DENND1C: variants seen among roughly 807,000 people sequenced by gnomAD.
The protein encoded by DENND1C is DENN domain containing 1C, also known as DENN domain-containing protein 1C.
DENND1C carries 64 observed loss-of-function variants against 87.9 expected under a neutral mutation model. That is an observed-to-expected ratio of 0.73 (90% CI 0.60 to 0.90). The LOEUF is 0.90. Among genes scored for constraint, DENND1C ranks in the 40% least tolerant of loss-of-function variants. The pLI, the probability that DENND1C is intolerant of heterozygous loss-of-function variation, is 0.00. For synonymous variants in DENND1C, 384 were observed against 424.4 expected (o/e 0.90, Z 1.17); for missense variants, 980 against 1,037.0 (o/e 0.95, Z 0.76).
At chr19:6,481,582 C>G (rs1913569072) in intron 1 of DENND1C, 97 bp downstream of exon 1, 1 of 1,567,148 alleles carries the variant, frequency 6.4e-7, no homozygotes, top group Non-Finnish European at 8.7e-7. Context: ...GGTCACTGCA[C>G]CTCCCGGGCC....
Position 6,473,455 on chromosome 19 carries a change from GGTTTTTTT to G in DENND1C, c.1054-470_1054-463del, listed in dbSNP as rs1214096525. Reference sequence around the variant, plus strand: ...GGTGTGAGCCACCGCGCCCAGCCCTGGTTTTTTTTTTTTTTTTTTTCATTTCTTTTTTT... The same window carrying G: ...GGTGTGAGCCACCGCGCCCAGCCCTGTTTTTTTTTTTTCATTTCTTTTTTT... On this transcript the variant is annotated intron_variant, in intron 14 of 22. Coordinates refer to ENST00000381480, the MANE Select transcript of DENND1C (RefSeq NM_024898.4). Among the ~76,000 whole-genome samples the G allele has an allele frequency of 9.6e-5, 13 of 135,570 alleles. 1 individual carries two copies. The highest frequency in any genetic ancestry group is 2.4e-4 in the South Asian group (1 of 4,182). 88.9% of individuals were successfully genotyped at this position (135,570 alleles called of 152,430 possible).
At chr19:6,479,566 G>C in intron 4 of DENND1C, 103 bp downstream of exon 4, 1 of 1,455,132 alleles carries the variant, frequency 6.9e-7, no homozygotes, top group East Asian at 2.3e-5. Context: ...CAGGGTCCTC[G>C]AGTGTATGGG....
chr19:6,467,219 A>G lies in DENND1C; in HGVS notation c.*285T>C. Reference sequence around the variant, plus strand: ...ATAAAATTAGTAGTGAGATGTAACAAAAGCTTTATTGGTGTGTTTGAGCTG... The same window carrying G: ...ATAAAATTAGTAGTGAGATGTAACAGAAGCTTTATTGGTGTGTTTGAGCTG... On this transcript the variant is annotated 3_prime_UTR_variant, in exon 23 of 23. Coordinates refer to ENST00000381480, the MANE Select transcript of DENND1C (RefSeq NM_024898.4). 1 of 527,620 alleles carries G rather than the reference A, an allele frequency of 1.9e-6. No individual in the cohort carries two copies. The highest frequency in any genetic ancestry group is 3.6e-5 in the Admixed American group (1 of 27,482). 32.7% of individuals were successfully genotyped at this position (527,620 alleles called of 1,614,324 possible).
chr19:6,469,095 C>A (rs948913938), intron 19 of DENND1C, 142 bp from the exon 20 acceptor site: 1 of 486,348 alleles, frequency 2.1e-6, no homozygotes, highest in South Asian at 6.5e-5. Context: ...GCAGTGGTGC[C>A]ATCTCGGCTC....
chr19:6,478,389 T>C (rs1190235125), intron 6 of DENND1C, among the ~76,000 whole-genome samples: 1 of 151,170 alleles, frequency 6.6e-6, no homozygotes, highest in Non-Finnish European at 1.5e-5. Flanking sequence ...ATTACAGGCG[T>C]GTGCCACGAC....
At chr19:6,471,335 C>T (rs774049865) in intron 16 of DENND1C, 30 bp from the exon 17 acceptor site, 38 of 1,594,630 alleles carry the variant, frequency 2.4e-5, no homozygotes, top group Middle Eastern at 3.3e-4. Flanking sequence ...TGGTGGTCAC[C>T]GAAGGCTGGC....
chr19:6,470,193 G>A, intron 18 of DENND1C, 102 bp downstream of exon 18: 1 of 1,161,006 alleles, frequency 8.6e-7, no homozygotes, highest in African/African-American at 1.5e-5. Context: ...TGTTTAAAGT[G>A]TCTGCCAGGG....
chr19:6,475,560 T>C lies in DENND1C; in HGVS notation c.851A>G (p.Asp284Gly). 1 of 1,613,966 alleles carries C rather than the reference T, an allele frequency of 6.2e-7. No homozygotes were observed. Among genetic ancestry groups the C allele is most frequent in the Non-Finnish European group, 8.5e-7 (1 of 1,179,858 alleles). Residue 284 changes from aspartate (D) to glycine (G), a missense_variant, in exon 13 of 23, where the codon GAC becomes GGC. Asp to Gly is a moderately conservative substitution (Grantham distance 94). Coordinates refer to ENST00000381480, the MANE Select transcript of DENND1C (RefSeq NM_024898.4). ...AERVREKALE[D>G]VVVLNVDANT... ...GGCGTCCACGTTCAGCACCACGACGTCCTCCAGGGCTTTTTCTCGTACTCT... is the reference window on the plus strand; with the variant it reads ...GGCGTCCACGTTCAGCACCACGACGCCCTCCAGGGCTTTTTCTCGTACTCT...
Position 6,468,042 on chromosome 19 carries a change from A to G in DENND1C, c.1868T>C (p.Leu623Pro). ...PEPQPLSLPS[L>P]QNASSLDATS... ...GGCATCCAAAGACGAGGCATTTTGC[A>G]GGGATGGCAGGGAAAGGGGCTGGGG... Residue 623 changes from leucine to proline, a missense_variant, in exon 23 of 23, where the codon CTG becomes CCG. Leu to Pro is a moderately conservative substitution (Grantham distance 98). Coordinates refer to ENST00000381480, the MANE Select transcript of DENND1C (RefSeq NM_024898.4). The G allele has an allele frequency of 6.2e-7, 1 of 1,613,784 alleles. No homozygotes were observed. The highest frequency in any genetic ancestry group is 1.3e-5 in the African/African-American group (1 of 75,010).
rs778779048 is a variant in DENND1C, at chr19:6,480,646, C to T, written c.18-595G>A. 7 of 294,828 alleles carry T rather than the reference C, an allele frequency of 2.4e-5. No homozygotes were observed. In the South Asian group the frequency reaches 6.7e-4, roughly 28 times the overall value. 18.3% of individuals were successfully genotyped at this position (294,828 alleles called of 1,614,324 possible). ...TTTGAGATGGAGTTTTGCTTTGTCA[C>T]CCAGGCTGGAGTACAGTGGCACGAT... On this transcript the variant is annotated intron_variant, in intron 1 of 22. Transcript: ENST00000381480.
intron 18 of DENND1C, 86 bp from the exon 19 acceptor site, chr19:6,469,726 T>G (rs1443696658): frequency 3.5e-6 from 5 of 1,425,442 alleles, no homozygotes; most frequent in South Asian, 1.3e-5. Flanking sequence ...TAAGATAGCT[T>G]TTTTTTTTGC....
At chr19:6,480,188 C>A in intron 1 of DENND1C, 137 bp from the exon 2 acceptor site, 1 of 1,488,086 alleles carries the variant, frequency 6.7e-7, no homozygotes. Flanking sequence ...GGGTTTGTGG[C>A]TGTGAGTGTG....
At chr19:6,479,423 A>AGTCCCTGGGTCCCTGT (rs879422379) in intron 4 of DENND1C, among the ~76,000 whole-genome samples, 1 of 140,314 alleles carries the variant, frequency 7.1e-6, no homozygotes, top group African/African-American at 3.0e-5. Flanking sequence ...TGAGTCTCTG[A>AGTCCCTGGGTCCCTGT]GTCCCTGGGT....
Position 6,473,003 on chromosome 19 carries a change from G to T in DENND1C, c.1054-10C>A. On this transcript the variant is annotated splice_polypyrimidine_tract_variant and intron_variant, in intron 14 of 22. Transcript: ENST00000381480. The stretch of plus-strand genomic sequence containing the variant: ...AGGTCACTGGCTGGCCCTGGAAGAA[G>T]CGTTGGAGTTCTGAGCTCCCTGGGG... 6.6e-7 allele frequency: 1 copy of T among 1,516,006 alleles called. No individual in the cohort carries two copies. Among genetic ancestry groups the T allele is most frequent in the Non-Finnish European group, 8.8e-7 (1 of 1,132,892 alleles). 93.9% of individuals were successfully genotyped at this position (1,516,006 alleles called of 1,614,324 possible). A position where few individuals can be genotyped will look rare whatever the true frequency, so the allele number is the denominator to read the frequency against.
Position 6,467,746 on chromosome 19 carries a change from T to G in DENND1C, c.2164A>C (p.Thr722Pro). The G allele has an allele frequency of 2.0e-6, 3 of 1,518,698 alleles. No homozygotes were observed. Among genetic ancestry groups the G allele is most frequent in the Non-Finnish European group, 2.6e-6 (3 of 1,136,288 alleles). The allele number at this position is 1,518,698 out of a possible 1,614,324, so 94.1% of individuals were successfully genotyped here. A position where few individuals can be genotyped will look rare whatever the true frequency, so the allele number is the denominator to read the frequency against. ...CAGGCTATATCAAAGTTGGGCTTTG[T>G]GGGGGCCAGAATTTGGGGGCTTTCT... ...PPESPQILAP[T>P]KPNFDIAWTS... The change falls in exon 23 of 23, where the codon ACA (threonine) becomes CCA (proline). Residue 722 changes from threonine (T) to proline (P), a missense_variant. By Grantham distance (38) the Thr-to-Pro change is conservative. Coordinates refer to ENST00000381480, the MANE Select transcript of DENND1C (RefSeq NM_024898.4).
At chr19:6,471,560 C>A in intron 15 of DENND1C, 64 bp from the exon 16 acceptor site, 1 of 1,414,792 alleles carries the variant, frequency 7.1e-7, no homozygotes. Context: ...CACTTCGAAG[C>A]CTGCCTGCTG....
At position 6,481,761 on chromosome 19, in the gene DENND1C, G is replaced by A; in HGVS notation, c.-66C>T. Reference sequence around the variant, plus strand: ...GGTCCTGGGGGCCTGTGTATGCTGGGCCCCAAGCCGGCTCAGCTTCCTGTG... The same window carrying A: ...GGTCCTGGGGGCCTGTGTATGCTGGACCCCAAGCCGGCTCAGCTTCCTGTG... On this transcript the variant is annotated 5_prime_UTR_variant, in exon 1 of 23. Transcript: ENST00000381480. 1 of 1,466,794 alleles carries A rather than the reference G, an allele frequency of 6.8e-7. No individual in the cohort carries two copies. The highest frequency in any genetic ancestry group is 2.7e-5 in the East Asian group (1 of 37,618). The allele number at this position is 1,466,794 out of a possible 1,614,324, so 90.9% of individuals were successfully genotyped here. A position where few individuals can be genotyped will look rare whatever the true frequency, so the allele number is the denominator to read the frequency against.
rs752081516 is a variant in DENND1C at position 6,480,460 on chromosome 19, C to CTA, written c.18-410_18-409insTA. On this transcript the variant is annotated intron_variant, in intron 1 of 22. Transcript: ENST00000381480. ...CAAGCTAAGTGAATTACATCTCTCT[C>CTA]TCTCTATATATATATCCATCTATCT... 111 of 982,974 alleles carry CTA rather than the reference C, an allele frequency of 1.1e-4. 1 individual carries two copies. The highest frequency in any genetic ancestry group is 8.0e-4 in the East Asian group (7 of 8,740). The allele number at this position is 982,974 out of a possible 1,614,324, so 60.9% of individuals were successfully genotyped here.
chr19:6,470,487 A>T (rs1399993110), intron 17 of DENND1C, 121 bp from the exon 18 acceptor site: 6 of 943,224 alleles, frequency 6.4e-6, no homozygotes, highest in African/African-American at 3.3e-5. Context: ...TCACCTCTAT[A>T]AATGAACATG....
Sources: allele counts gnomAD v4.1 joint callset (sites outside exome capture counted in the v4.1 genomes callset), GRCh38; gene constraint gnomAD v4.1.1; transcripts MANE v1.5; gene names NCBI Gene and HGNC (gene_info 2026-07-23, HGNC 2026-07-21).